Variants in SRGAP3 observed in about 807,000 individuals in gnomAD.
SRGAP3 encodes SLIT-ROBO Rho GTPase activating protein 3, also known as SLIT-ROBO Rho GTPase-activating protein 3.
SRGAP3 carries 39 observed loss-of-function variants against 121.1 expected under a neutral mutation model. The ratio of observed to expected loss-of-function variants is 0.32; its 90% CI spans 0.25 to 0.42. The LOEUF (loss-of-function observed/expected upper bound fraction) is 0.42, where lower values mean the gene tolerates loss of function less well. SRGAP3 is among the 10% of genes least tolerant of loss of function. The pLI, the probability that SRGAP3 is intolerant of heterozygous loss-of-function variation, is 1.00. For synonymous variants in SRGAP3, 601 were observed against 570.0 expected (o/e 1.05, Z -0.77); for missense variants, 1,213 against 1,470.6 (o/e 0.82, Z 2.86).
rs2029906671 is a variant in SRGAP3 at position 9,348,997 on chromosome 3, C to T, written n.214+13843G>A. On this transcript the variant is annotated intron_variant and non_coding_transcript_variant, in intron 1 of 3. Transcript: ENST00000490889. ...AGCAGGTACTAATTGCAGCCCATGG[C>T]AACAGCCCCCCGGGCATTGTCAAGC... The T allele has an allele frequency of 3.2e-6, 3 of 925,996 alleles. No homozygotes were observed. The Admixed American group carries it at 5.1e-5, about 16-fold the overall frequency. 57.4% of individuals were successfully genotyped at this position (925,996 alleles called of 1,614,324 possible).
intron 3 of SRGAP3, among the ~76,000 whole-genome samples, chr3:9,287,668 C>T (rs185675857): frequency 6.6e-6 from 1 of 152,182 alleles, no homozygotes; most frequent in African/African-American, 2.4e-5. Context: ...GTTCACTATT[C>T]GAGTGATGGG....
At position 9,023,801 on chromosome 3, in the gene SRGAP3, C is replaced by T. The variant is rs1002557263; in HGVS notation, c.1678+1460G>A. On this transcript the variant is annotated intron_variant, in intron 14 of 21. Transcript: ENST00000383836. ...CTGGGGCTCCCTGGTTCTAAGCACC[C>T]GAGATCCTTGAGGAGGCTCCAGAAA... Among the ~76,000 whole-genome samples, 10 of 152,148 alleles carry T rather than the reference C, an allele frequency of 6.6e-5. No individual in the cohort carries two copies. The East Asian group carries it at 1.5e-3, about 23-fold the overall frequency.
At chr3:9,064,638 C>A in intron 4 of SRGAP3, 57 bp from the exon 5 acceptor site, 2 of 1,589,224 alleles carry the variant, frequency 1.3e-6, no homozygotes, top group Non-Finnish European at 1.7e-6. Context: ...CACGGCCCTC[C>A]CTGTTACTCC....
At chr3:9,105,335 C>T (rs1575080785) in intron 2 of SRGAP3, among the ~76,000 whole-genome samples, 1 of 152,198 alleles carries the variant, frequency 6.6e-6, no homozygotes, top group African/African-American at 2.4e-5. Context: ...CTCTTGGAAA[C>T]ACATGCCTTT....
intron 1 of SRGAP3, among the ~76,000 whole-genome samples, chr3:9,332,878 C>T (rs1322032744): frequency 1.3e-5 from 2 of 152,116 alleles, no homozygotes; most frequent in African/African-American, 4.8e-5. Context: ...CAATTTGTTC[C>T]CGTAGCTGTC....
At chr3:9,178,832 C>G (rs1337921734) in intron 1 of SRGAP3, among the ~76,000 whole-genome samples, 2 of 152,216 alleles carry the variant, frequency 1.3e-5, no homozygotes, top group Non-Finnish European at 2.9e-5. Context: ...TTGTTCCGCC[C>G]TAGACCCGGA....
intron 1 of SRGAP3, among the ~76,000 whole-genome samples, chr3:9,177,711 C>T (rs1951228481): frequency 6.6e-6 from 1 of 152,188 alleles, no homozygotes; most frequent in Admixed American, 6.5e-5. Flanking sequence ...TCTTTTCTGG[C>T]ATCAACACTT....
chr3:9,290,787 G>A (rs6775947), intron 3 of SRGAP3, among the ~76,000 whole-genome samples: 2,415 of 152,260 alleles, frequency 0.016, 67 homozygotes, highest in African/African-American at 0.054. Flanking sequence ...TCCCAGAGCC[G>A]TGAGTCAGAG....
chr3:9,111,547 T>C (rs1187418477), intron 2 of SRGAP3, among the ~76,000 whole-genome samples: 5 of 151,892 alleles, frequency 3.3e-5, no homozygotes, highest in African/African-American at 1.2e-4. Context: ...GCCTGCAGGG[T>C]CTCACACACT....
At chr3:9,156,448 C>T (rs932319993) in intron 1 of SRGAP3, among the ~76,000 whole-genome samples, 2 of 152,178 alleles carry the variant, frequency 1.3e-5, no homozygotes, top group African/African-American at 4.8e-5. Flanking sequence ...GGGGACATTG[C>T]AGGTCTTGAC....
In SRGAP3 at chr3:9,109,829, A is replaced by G. The variant is rs1948551920; in HGVS notation, c.261-4987T>C. Among the ~76,000 whole-genome samples, 1 of 152,068 alleles carries G rather than the reference A, an allele frequency of 6.6e-6. No individual in the cohort carries two copies. The highest frequency in any genetic ancestry group is 1.9e-4 in the East Asian group (1 of 5,168). On this transcript the variant is annotated intron_variant, in intron 2 of 21. Transcript: ENST00000383836. This position sits in a 1 kb window ranked among gnomAD's most constrained non-coding sequence, Gnocchi z 4.4. Reference sequence around the variant, plus strand: ...AGGGAGGAGCCTTCAAAGGGGAGAAATGTGATGAGCAAAGGCCCAGGGAGG... The same window carrying G: ...AGGGAGGAGCCTTCAAAGGGGAGAAGTGTGATGAGCAAAGGCCCAGGGAGG...
chr3:9,349,130 G>C, intron 1 of SRGAP3: 1 of 804,112 alleles, frequency 1.2e-6, no homozygotes, highest in Non-Finnish European at 2.2e-6. Flanking sequence ...GTTCCTGGGG[G>C]ATGAAGAGAC....
intron 4 of SRGAP3, among the ~76,000 whole-genome samples, chr3:9,077,775 C>T (rs1947041321): frequency 6.6e-6 from 1 of 152,232 alleles, no homozygotes; most frequent in African/African-American, 2.4e-5. Context: ...TTGAAGGACA[C>T]AGAGAGATGC....
chr3:9,331,686 T>C (rs1955610221), intron 1 of SRGAP3, among the ~76,000 whole-genome samples: 1 of 152,228 alleles, frequency 6.6e-6, no homozygotes, highest in Admixed American at 6.5e-5. Context: ...AGGGCAGAAA[T>C]GACATTGCAT....
intron 1 of SRGAP3, among the ~76,000 whole-genome samples, chr3:9,132,388 G>A (rs949120691): frequency 5.9e-5 from 9 of 151,958 alleles, no homozygotes; most frequent in Admixed American, 2.6e-4. Context: ...AAAAATCCTC[G>A]TGCTCCACCT....
chr3:9,028,951 C>T (rs574235753), intron 12 of SRGAP3, among the ~76,000 whole-genome samples: 4 of 152,266 alleles, frequency 2.6e-5, no homozygotes, highest in South Asian at 4.2e-4. Context: ...GGAGCGCCAT[C>T]GGCTCTTTCC....
chr3:9,202,656 C>G (rs929831155), intron 1 of SRGAP3, among the ~76,000 whole-genome samples: 3 of 152,234 alleles, frequency 2.0e-5, no homozygotes, highest in Non-Finnish European at 2.9e-5. Flanking sequence ...TCTGCTCACC[C>G]CCTGGAAACC....
chr3:9,362,194 T>C (rs2030904518), intron 1 of SRGAP3, among the ~76,000 whole-genome samples: 1 of 125,284 alleles, frequency 8.0e-6, no homozygotes, highest in South Asian at 2.7e-4. Flanking sequence ...TTTTTTGAGA[T>C]GATGTCTTGC....
intron 1 of SRGAP3, chr3:9,192,430 G>A (rs1353385822): frequency 6.6e-6 from 1 of 152,190 alleles, no homozygotes; most frequent in Non-Finnish European, 1.5e-5. Flanking sequence ...TCACGTGGGT[G>A]ACTCATACCT....
Sources: gnomAD v4.1 joint callset for allele counts (sites outside exome capture counted in the v4.1 genomes callset) on GRCh38, gnomAD v4.1.1 for gene constraint, Gnocchi (gnomAD v3.1) non-coding constraint, MANE v1.5 for transcripts, NCBI Gene and HGNC (gene_info 2026-07-23, HGNC 2026-07-21) for gene names.